CERKL: variants seen among roughly 807,000 people sequenced by gnomAD.
CERKL encodes ceramide kinase-like protein.
CERKL carries 61 observed loss-of-function variants against 63.4 expected under a neutral mutation model. The ratio of observed to expected loss-of-function variants is 0.96; its 90% CI spans 0.78 to 1.19. The LOEUF (loss-of-function observed/expected upper bound fraction) is 1.19, where lower values mean the gene tolerates loss of function less well. Among genes scored for constraint, CERKL ranks in the 50% most tolerant of loss-of-function variants. The pLI is 0.00. For synonymous variants in CERKL, 250 were observed against 230.5 expected, an observed-to-expected ratio of 1.08 and a Z score of -0.77; for missense variants, 675 against 655.5, an observed-to-expected ratio of 1.03 and a Z score of -0.33.
intron 1 of CERKL, among the ~76,000 whole-genome samples, chr2:181,618,073 G>A (rs932864332): frequency 6.6e-6 from 1 of 152,124 alleles, no homozygotes; most frequent in Admixed American, 6.6e-5. Flanking sequence ...TAAATAATGT[G>A]TACATAGGAA....
intron 1 of CERKL, among the ~76,000 whole-genome samples, chr2:181,622,741 C>G (rs1028105642): frequency 1.3e-5 from 2 of 151,966 alleles, no homozygotes; most frequent in Non-Finnish European, 2.9e-5. Context: ...TCAAATGTCA[C>G]CCTGAAAAAT....
At chr2:181,613,398 T>C (rs927550630) in intron 1 of CERKL, among the ~76,000 whole-genome samples, 2 of 152,166 alleles carry the variant, frequency 1.3e-5, no homozygotes, top group Admixed American at 6.6e-5. Context: ...AGATGCGAGG[T>C]TAGACTGCAG....
intron 5 of CERKL, among the ~76,000 whole-genome samples, chr2:181,551,458 C>A (rs377660868): frequency 2.5e-4 from 38 of 151,984 alleles, no homozygotes; most frequent in African/African-American, 8.0e-4. Context: ...GGAACTTAAA[C>A]ATATTTATAA....
intron 1 of CERKL, among the ~76,000 whole-genome samples, chr2:181,652,840 T>C (rs1463044445): frequency 6.6e-6 from 1 of 152,032 alleles, no homozygotes; most frequent in African/African-American, 2.4e-5. Context: ...AGTGGCACTA[T>C]CTCGGCTCAC....
chr2:181,544,788 T>C lies in CERKL; in HGVS notation c.1277A>G (p.Asn426Ser), dbSNP rs781170341. The change falls in exon 11 of 13, where the codon AAT becomes AGT. Residue 426 changes from asparagine to serine, a missense_variant. Transcript: ENST00000410087. ...GGCAATTATAAGAGCCATACTTCCA[T>C]TATTTAATCTGAAATTAAATATTTC... Reference protein sequence around the residue: ...RGLAPNTRLNNGSMALIIARN... With the variant: ...RGLAPNTRLNSGSMALIIARN... 7 of 1,588,824 alleles carry C rather than the reference T, an allele frequency of 4.4e-6. No individual in the cohort carries two copies. Among genetic ancestry groups the C allele is most frequent in the Non-Finnish European group, 6.0e-6 (7 of 1,160,952 alleles).
At chr2:181,580,182 T>A (rs1485257213) in intron 2 of CERKL, among the ~76,000 whole-genome samples, 1 of 151,928 alleles carries the variant, frequency 6.6e-6, no homozygotes, top group East Asian at 1.9e-4. Flanking sequence ...TTTTTCTGTA[T>A]AGAAACATGG....
chr2:181,566,188 G>C, intron 3 of CERKL, 67 bp from the exon 4 acceptor site: 1 of 1,167,326 alleles, frequency 8.6e-7, no homozygotes, highest in Non-Finnish European at 1.3e-6. Context: ...TTTTTAACTT[G>C]TTCTGGCAAA....
intron 5 of CERKL, among the ~76,000 whole-genome samples, chr2:181,553,444 C>T (rs948114379): frequency 5.3e-5 from 8 of 152,002 alleles, no homozygotes; most frequent in South Asian, 2.1e-4. Flanking sequence ...ATGAGTAGAC[C>T]GTAAAAGCAT....
chr2:181,601,462 G>A (rs1037303233), intron 2 of CERKL, among the ~76,000 whole-genome samples: 1 of 152,116 alleles, frequency 6.6e-6, no homozygotes, highest in Non-Finnish European at 1.5e-5. Context: ...TCGGGAGGCT[G>A]AGGCAGGGAG....
At chr2:181,611,401 G>C (rs1461517584) in intron 1 of CERKL, among the ~76,000 whole-genome samples, 3 of 152,102 alleles carry the variant, frequency 2.0e-5, no homozygotes, top group Non-Finnish European at 2.9e-5. Context: ...GCTAATGCCT[G>C]TGATTGCAGT....
rs762621654 is a variant in CERKL at position 181,625,590 on chromosome 2, T to C, written c.239-21511A>G. On this transcript the variant is annotated intron_variant, in intron 1 of 12. Coordinates refer to ENST00000410087, the MANE Select transcript of CERKL (RefSeq NM_201548.5). Reference sequence around the variant, plus strand: ...CACACAGCTTCCTACCAATTTACCATATAAATAAACAAATATTGAGAAAAT... The same window carrying C: ...CACACAGCTTCCTACCAATTTACCACATAAATAAACAAATATTGAGAAAAT... Among the ~76,000 whole-genome samples the C allele has an allele frequency of 2.0e-5, 3 of 152,184 alleles. No individual in the cohort carries two copies. In the East Asian group the frequency reaches 5.8e-4, roughly 29 times the overall value.
chr2:181,627,658 A>G (rs1686772139), intron 1 of CERKL, among the ~76,000 whole-genome samples: 1 of 152,210 alleles, frequency 6.6e-6, no homozygotes, highest in African/African-American at 2.4e-5. Context: ...TTTGATGACA[A>G]TCATCTGGTT....
intron 1 of CERKL, among the ~76,000 whole-genome samples, chr2:181,625,087 T>C (rs1284038345): frequency 1.3e-5 from 2 of 151,168 alleles, no homozygotes; most frequent in African/African-American, 4.9e-5. Context: ...CATGGGAAAA[T>C]GAGAATACCC....
chr2:181,654,191 A>C (rs1688059452), intron 1 of CERKL, among the ~76,000 whole-genome samples: 1 of 151,588 alleles, frequency 6.6e-6, no homozygotes, highest in South Asian at 2.1e-4. Flanking sequence ...AAAAGCGCTG[A>C]TACTTTGTGC....
rs1559062198 is a variant in CERKL at position 181,536,837 on chromosome 2, T to G, written c.*1347A>C. 2.6e-6 allele frequency: 1 copy of G among 378,498 alleles called. No individual in the cohort carries two copies. Among genetic ancestry groups the G allele is most frequent in the Admixed American group, 3.1e-5 (1 of 32,174 alleles). 23.4% of individuals were successfully genotyped at this position (378,498 alleles called of 1,614,324 possible). A position where few individuals can be genotyped will look rare whatever the true frequency, so the allele number is the denominator to read the frequency against. ...TGCAGAATATCATTTTATCTGACTCTGCCTTCATAAGAGAGCTGTGGCCGA... is the reference window on the plus strand; with the variant it reads ...TGCAGAATATCATTTTATCTGACTCGGCCTTCATAAGAGAGCTGTGGCCGA... On this transcript the variant is annotated 3_prime_UTR_variant, in exon 13 of 13. Coordinates refer to ENST00000410087, the MANE Select transcript of CERKL (RefSeq NM_201548.5).
intron 11 of CERKL, among the ~76,000 whole-genome samples, chr2:181,542,301 T>C (rs1574430079): frequency 6.6e-6 from 1 of 152,186 alleles, no homozygotes; most frequent in Non-Finnish European, 1.5e-5. Flanking sequence ...TACAGTGTTA[T>C]ACAGTAACAT....
Position 181,537,041 on chromosome 2 carries a change from T to TGAGTAGTGAAATGTA in CERKL, c.*1128_*1142dup, listed in dbSNP as rs1458295319. 2 of 444,674 alleles carry TGAGTAGTGAAATGTA rather than the reference T, an allele frequency of 4.5e-6. No homozygotes were observed. Among genetic ancestry groups the TGAGTAGTGAAATGTA allele is most frequent in the African/African-American group, 4.0e-5 (2 of 49,594 alleles). The allele number at this position is 444,674 out of a possible 1,614,324, so 27.5% of individuals were successfully genotyped here. On this transcript the variant is annotated 3_prime_UTR_variant, in exon 13 of 13. Transcript: ENST00000410087. ...ATGTTCTGAGATTTGCGAAGGCATT[T>TGAGTAGTGAAATGTA]GAGTAGTGAAATGTAAGCACAAAAC...
At chr2:181,584,342 T>C (rs1211546627) in intron 2 of CERKL, among the ~76,000 whole-genome samples, 2 of 145,582 alleles carry the variant, frequency 1.4e-5, no homozygotes, top group African/African-American at 5.3e-5. Flanking sequence ...AGAGATATTG[T>C]CTCTACAGAA....
intron 1 of CERKL, among the ~76,000 whole-genome samples, 158 bp downstream of exon 1, chr2:181,656,610 AC>A (rs2105566112): frequency 6.6e-6 from 1 of 150,694 alleles, no homozygotes; most frequent in South Asian, 2.1e-4. Flanking sequence ...GGAGGCGGCG[AC>A]TTGGGGACTC....
Sources: allele counts gnomAD v4.1 joint callset (sites outside exome capture counted in the v4.1 genomes callset), GRCh38; gene constraint gnomAD v4.1.1; transcripts MANE v1.5; gene names NCBI Gene and HGNC (gene_info 2026-07-23, HGNC 2026-07-21).